Variants in RAD51B observed in about 807,000 individuals in gnomAD.
RAD51B encodes the protein DNA repair protein RAD51 homolog 2.
In RAD51B, 38 loss-of-function variants were observed where a neutral mutation model predicts 42.2. The observed-to-expected ratio is 0.90, with a 90% CI of 0.70 to 1.18. The LOEUF (loss-of-function observed/expected upper bound fraction) is 1.18. Among genes scored for constraint, RAD51B ranks in the 50% most tolerant of loss-of-function variants. RAD51B has a pLI of 0.00. For synonymous variants in RAD51B, 154 were observed against 145.2 expected (o/e 1.06, Z -0.43); for missense variants, 373 against 400.7 (o/e 0.93, Z 0.59).
intron 8 of RAD51B, among the ~76,000 whole-genome samples, chr14:68,341,120 A>C (rs1460021878): frequency 6.6e-6 from 1 of 152,252 alleles, no homozygotes; most frequent in Non-Finnish European, 1.5e-5. Context: ...CTAAATTAGA[A>C]CTGAAAATGA....
intron 7 of RAD51B, among the ~76,000 whole-genome samples, chr14:67,978,319 A>G (rs567796146): frequency 6.6e-6 from 1 of 152,202 alleles, no homozygotes; most frequent in Non-Finnish European, 1.5e-5. Context: ...CTTACCTTTT[A>G]TCCTTATAGT....
At chr14:68,242,525 G>A (rs1454968264) in intron 7 of RAD51B, among the ~76,000 whole-genome samples, 1 of 152,140 alleles carries the variant, frequency 6.6e-6, no homozygotes, top group East Asian at 1.9e-4. Flanking sequence ...TTTGAATTCA[G>A]TAGTTTCCTC....
At chr14:68,418,610 G>C (rs1023368216) in intron 9 of RAD51B, among the ~76,000 whole-genome samples, 38 of 152,160 alleles carry the variant, frequency 2.5e-4, no homozygotes, top group African/African-American at 8.9e-4. Flanking sequence ...ACAGGGCTTT[G>C]GAACCAAATT....
chr14:68,671,220 T>A (rs1893150903), intron 11 of RAD51B, among the ~76,000 whole-genome samples: 1 of 152,202 alleles, frequency 6.6e-6, no homozygotes, highest in African/African-American at 2.4e-5. Context: ...GGTGGGCCAG[T>A]TGAGGAAGGA....
At chr14:68,592,329 C>T (rs1890789258) in intron 10 of RAD51B, among the ~76,000 whole-genome samples, 2 of 151,496 alleles carry the variant, frequency 1.3e-5, no homozygotes, top group South Asian at 4.2e-4. Flanking sequence ...AGGAAAAATA[C>T]TGAGTGGCCC....
At chr14:68,470,037 A>G (rs2086082516) in intron 10 of RAD51B, among the ~76,000 whole-genome samples, 1 of 152,258 alleles carries the variant, frequency 6.6e-6, no homozygotes, top group Admixed American at 6.5e-5. Flanking sequence ...GCCTGGAAAT[A>G]CAATGAATTG....
intron 11 of RAD51B, among the ~76,000 whole-genome samples, chr14:68,655,858 A>G (rs1392168580): frequency 6.6e-6 from 1 of 152,122 alleles, no homozygotes; most frequent in Non-Finnish European, 1.5e-5. Context: ...CTGGCTAAGG[A>G]GGAAATCGAG....
chr14:68,494,849 G>A (rs980203225), intron 10 of RAD51B, among the ~76,000 whole-genome samples: 4 of 151,888 alleles, frequency 2.6e-5, no homozygotes, highest in Admixed American at 2.0e-4. Flanking sequence ...CAGAGTATGT[G>A]ATAAGAGATA....
chr14:68,431,229 C>T (rs1253596257), intron 9 of RAD51B, among the ~76,000 whole-genome samples: 1 of 152,160 alleles, frequency 6.6e-6, no homozygotes, highest in Non-Finnish European at 1.5e-5. Flanking sequence ...TGTTGTGTCT[C>T]TGCCAGGCTT....
At chr14:68,350,679 G>A (rs1480691495) in intron 8 of RAD51B, among the ~76,000 whole-genome samples, 1 of 152,366 alleles carries the variant, frequency 6.6e-6, no homozygotes, top group East Asian at 1.9e-4. Flanking sequence ...ATAGAATTAA[G>A]TGAAGATAGA....
intron 11 of RAD51B, among the ~76,000 whole-genome samples, chr14:68,667,944 A>G (rs1893067022): frequency 1.3e-5 from 2 of 152,196 alleles, no homozygotes; most frequent in Non-Finnish European, 2.9e-5. Context: ...AGCAGGAGAA[A>G]GCATTTTCCC....
chr14:68,618,715 C>G (rs1177555609), intron 10 of RAD51B, among the ~76,000 whole-genome samples: 2 of 152,238 alleles, frequency 1.3e-5, no homozygotes, highest in Non-Finnish European at 2.9e-5. Context: ...TTTACTGACT[C>G]TAGCCTCAGT....
intron 5 of RAD51B, among the ~76,000 whole-genome samples, chr14:67,866,392 C>T (rs1427309191): frequency 6.6e-6 from 1 of 152,190 alleles, no homozygotes; most frequent in Admixed American, 6.5e-5. Flanking sequence ...ATGCCAATGA[C>T]TAGCCTTCGA....
intron 7 of RAD51B, among the ~76,000 whole-genome samples, chr14:68,047,871 G>T (rs2076328486): frequency 6.6e-6 from 1 of 151,780 alleles, no homozygotes; most frequent in East Asian, 1.9e-4. Context: ...TTTTTTTTAG[G>T]TTTTATTTTG....
intron 7 of RAD51B, among the ~76,000 whole-genome samples, chr14:67,910,053 T>C (rs1166547628): frequency 3.9e-5 from 6 of 152,208 alleles, no homozygotes; most frequent in African/African-American, 1.4e-4. Flanking sequence ...AGTACTTATT[T>C]GTGTAAAATT....
intron 8 of RAD51B, among the ~76,000 whole-genome samples, chr14:68,382,301 C>T (rs1283680496): frequency 2.6e-5 from 4 of 152,108 alleles, no homozygotes; most frequent in African/African-American, 7.3e-5. Context: ...TGTCTCCAGA[C>T]ATTAGCAAAT....
intron 8 of RAD51B, among the ~76,000 whole-genome samples, chr14:68,374,912 A>G (rs1291847888): frequency 6.6e-6 from 1 of 151,522 alleles, no homozygotes; most frequent in Non-Finnish European, 1.5e-5. Context: ...AAGTGAGGTC[A>G]TGTTTCTCCT....
chr14:68,429,261 T>C (rs2084938363), intron 9 of RAD51B, among the ~76,000 whole-genome samples: 1 of 152,196 alleles, frequency 6.6e-6, no homozygotes, highest in Admixed American at 6.5e-5. Context: ...ATCCTTTGGG[T>C]ATATACCCAG....
At chr14:67,950,697 C>T (rs770286791) in intron 7 of RAD51B, among the ~76,000 whole-genome samples, 5 of 152,158 alleles carry the variant, frequency 3.3e-5, no homozygotes, top group Admixed American at 2.0e-4. Context: ...GCTTTTGATA[C>T]GTCTTCCTCA....
Sources: gnomAD v4.1 joint callset for allele counts (sites outside exome capture counted in the v4.1 genomes callset) on GRCh38, gnomAD v4.1.1 for gene constraint, MANE v1.5 for transcripts, NCBI Gene and HGNC (gene_info 2026-07-23, HGNC 2026-07-21) for gene names.